Variants in ZNF676 observed in about 807,000 individuals in gnomAD.
ZNF676 encodes the protein zinc finger protein 676.
In ZNF676, 4 loss-of-function variants were observed where a neutral mutation model predicts 6.0. The observed-to-expected ratio is 0.67, with a 90% CI of 0.33 to 1.53. The LOEUF is 1.53. ZNF676 is among the 40% of genes most tolerant of loss of function. The pLI, the probability that ZNF676 is intolerant of heterozygous loss-of-function variation, is 0.06. For synonymous variants in ZNF676, 198 were observed against 223.1 expected (o/e 0.89, Z 1.00); for missense variants, 644 against 679.7 (o/e 0.95, Z 0.58).
chr19:22,192,448 A>G (rs192658521), intron 2 of ZNF676, among the ~76,000 whole-genome samples: 21 of 152,278 alleles, frequency 1.4e-4, no homozygotes, highest in African/African-American at 4.1e-4. Context: ...GAAAAATACA[A>G]TCATAAAATT....
chr19:22,197,251 G>A (rs2023976868), upstream of ZNF676, among the ~76,000 whole-genome samples: 7 of 151,676 alleles, frequency 4.6e-5, no homozygotes, highest in South Asian at 1.5e-3. Context: ...GAACCCAGGA[G>A]GCGGAGGCTG....
upstream of ZNF676, among the ~76,000 whole-genome samples, chr19:22,201,281 CCT>C (rs1369605028): frequency 6.6e-6 from 1 of 152,142 alleles, no homozygotes; most frequent in African/African-American, 2.4e-5. Context: ...ACTCCTGGAG[CCT>C]CTCACATAAC....
At chr19:22,247,870 A>G in the ZNF676 span, among the ~76,000 whole-genome samples, 2 of 151,830 alleles carry the variant, frequency 1.3e-5, no homozygotes, top group Non-Finnish European at 1.5e-5. Flanking sequence ...AACTTTAGGT[A>G]TATCTCCTAA....
chr19:22,217,692 C>CTGTTTGTTTGTTTGTTTGTT (rs112661841), upstream of ZNF676, among the ~76,000 whole-genome samples: 1 of 147,696 alleles, frequency 6.8e-6, no homozygotes, highest in South Asian at 2.2e-4. Context: ...ATGGTCTTTT[C>CTGTTTGTTTGTTTGTTTGTT]TGTTTGTTTG....
the ZNF676 span, among the ~76,000 whole-genome samples, chr19:22,239,473 C>T: frequency 2.0e-5 from 3 of 152,124 alleles, no homozygotes; most frequent in African/African-American, 4.8e-5. Context: ...AGCCACTGTG[C>T]CTGCCCCAAA....
chr19:22,199,775 A>G (rs1421915468), upstream of ZNF676, among the ~76,000 whole-genome samples: 3 of 152,248 alleles, frequency 2.0e-5, no homozygotes, highest in Non-Finnish European at 4.4e-5. Context: ...AACAGAACAG[A>G]AAACAGAAAT....
At chr19:22,240,661 C>T in the ZNF676 span, among the ~76,000 whole-genome samples, 8 of 151,898 alleles carry the variant, frequency 5.3e-5, no homozygotes, top group Non-Finnish European at 1.2e-4. Context: ...AGTGTGGTGG[C>T]AGGCTTCTGT....
chr19:22,185,962 A>C (rs1021251294), intron 2 of ZNF676, among the ~76,000 whole-genome samples: 1 of 152,194 alleles, frequency 6.6e-6, no homozygotes, highest in African/African-American at 2.4e-5. Flanking sequence ...ACTCTTCAGG[A>C]TATCATCCAG....
the ZNF676 span, among the ~76,000 whole-genome samples, chr19:22,224,276 A>AT: frequency 2.0e-5 from 3 of 150,624 alleles, no homozygotes; most frequent in South Asian, 2.1e-4. Context: ...ATATCAGTGA[A>AT]TTTTTTTTGT....
At chr19:22,246,643 T>C in the ZNF676 span, among the ~76,000 whole-genome samples, 4 of 152,092 alleles carry the variant, frequency 2.6e-5, no homozygotes, top group African/African-American at 9.7e-5. Context: ...TATGTCACAA[T>C]CTCCACTGTA....
At chr19:22,202,893 T>C (rs1180891663) in intron 1 of ZNF676, among the ~76,000 whole-genome samples, 3 of 152,312 alleles carry the variant, frequency 2.0e-5, no homozygotes, top group Admixed American at 1.3e-4. Context: ...TTGACTCTTC[T>C]ACAAAAAGTG....
chr19:22,240,707 T>C, the ZNF676 span, among the ~76,000 whole-genome samples: 1 of 151,838 alleles, frequency 6.6e-6, no homozygotes, highest in Non-Finnish European at 1.5e-5. Flanking sequence ...ACAGAAGAAT[T>C]ACTTGAGCCC....
chr19:22,221,201 A>G, the ZNF676 span, among the ~76,000 whole-genome samples: 1 of 152,036 alleles, frequency 6.6e-6, no homozygotes, highest in Non-Finnish European at 1.5e-5. Flanking sequence ...TTTTTGATGT[A>G]TGTATTTAAT....
chr19:22,220,703 C>A (rs10420880), upstream of ZNF676, among the ~76,000 whole-genome samples: 3,503 of 152,194 alleles, frequency 0.023, 142 homozygotes, highest in African/African-American at 0.081. Context: ...GTGATCCCCC[C>A]ACCTCGTCCT....
At chr19:22,200,713 T>A (rs1235716311), upstream of ZNF676, among the ~76,000 whole-genome samples, 1 of 151,894 alleles carries the variant, frequency 6.6e-6, no homozygotes, top group Non-Finnish European at 1.5e-5. Context: ...AACACATTAT[T>A]CAATATTATT....
At chr19:22,195,295 T>A (rs1342111245) in intron 1 of ZNF676, among the ~76,000 whole-genome samples, 1 of 152,162 alleles carries the variant, frequency 6.6e-6, no homozygotes, top group Non-Finnish European at 1.5e-5. Flanking sequence ...CAGGAGCCGA[T>A]GTGTCAGTAA....
Position 22,196,756 on chromosome 19 carries a change from A to G in ZNF676, c.-123T>C, listed in dbSNP as rs542282107. 6.4e-7 allele frequency: 1 copy of G among 1,571,844 alleles called. No homozygotes were observed. The highest frequency in any genetic ancestry group is 2.2e-5 in the East Asian group (1 of 44,628). On this transcript the variant is annotated 5_prime_UTR_variant, in exon 1 of 3. An upstream open reading frame in the 5' UTR loses its in-frame stop. Transcript: ENST00000397121. ...AAAACACACACAAACACATATATTT[A>G]CCAATTGGTCATGGGCAGAACTTTT...
At chr19:22,239,810 G>A in the ZNF676 span, among the ~76,000 whole-genome samples, 1 of 152,176 alleles carries the variant, frequency 6.6e-6, no homozygotes, top group Non-Finnish European at 1.5e-5. Flanking sequence ...AATTGGTTCA[G>A]GGATTTGTCA....
At position 22,180,228 on chromosome 19, in the gene ZNF676, TCTTATG is replaced by T; in HGVS notation, c.1483_1488del (p.His495_Lys496del). 6.2e-7 allele frequency: 1 copy of T among 1,613,830 alleles called. No individual in the cohort carries two copies. The highest frequency in any genetic ancestry group is 1.3e-5 in the African/African-American group (1 of 75,018). ...TAGCGTTTCTCTCCAGTATGAATTA[TCTTATG>T]TTTAGTAAGGATTGAGAACGTACTA... is the stretch of plus-strand genomic sequence containing the variant. On this transcript the variant is annotated inframe_deletion, in exon 3 of 3. Coordinates refer to ENST00000397121, the MANE Select transcript of ZNF676 (RefSeq NM_001001411.3).
Sources: gnomAD v4.1 joint callset for allele counts (sites outside exome capture counted in the v4.1 genomes callset) on GRCh38, gnomAD v4.1.1 for gene constraint, MANE v1.5 for transcripts, NCBI Gene and HGNC (gene_info 2026-07-23, HGNC 2026-07-21) for gene names.